The following SOX5 variants were observed in gnomAD, a reference collection of about 807,000 sequenced individuals.
SOX5 encodes the protein SRY-box transcription factor 5.
A neutral mutation model predicts 92.0 loss-of-function variants in SOX5; 9 were observed. The observed-to-expected ratio is 0.10, with a 90% CI of 0.06 to 0.17. SOX5 has a LOEUF of 0.17. Ranked by LOEUF, SOX5 falls within the 10% of genes least tolerant of loss-of-function variation. The probability of loss-of-function intolerance (pLI) is 1.00; values close to 1 mark genes in which losing one functional copy is unlikely to be tolerated. For missense variants in SOX5, 642 were observed against 944.5 expected, an observed-to-expected ratio of 0.68 and a Z score of 4.20; for synonymous variants, 344 against 336.3, an observed-to-expected ratio of 1.02 and a Z score of -0.25.
intron 4 of SOX5, among the ~76,000 whole-genome samples, chr12:24,155,592 C>A (rs1311388204): frequency 6.6e-6 from 1 of 152,148 alleles, no homozygotes; most frequent in Non-Finnish European, 1.5e-5. Context: ...AGAAAAACTT[C>A]TTTCCTTGAA....
chr12:23,771,158 A>G (rs1455075525), intron 3 of SOX5, among the ~76,000 whole-genome samples: 3 of 149,252 alleles, frequency 2.0e-5, no homozygotes, highest in Non-Finnish European at 4.4e-5. Flanking sequence ...TTTTAAGTTT[A>G]CTTAACACAT....
chr12:24,419,262 C>A (rs1328228216), intron 1 of SOX5, among the ~76,000 whole-genome samples: 1 of 152,138 alleles, frequency 6.6e-6, no homozygotes, highest in African/African-American at 2.4e-5. Context: ...CAACTCCTCC[C>A]AAGTAGCTGA....
intron 8 of SOX5, among the ~76,000 whole-genome samples, chr12:23,634,206 A>C (rs2078923746): frequency 6.6e-6 from 1 of 152,196 alleles, no homozygotes; most frequent in Non-Finnish European, 1.5e-5. Flanking sequence ...CCTGAGATAC[A>C]TTATTGAACA....
At chr12:23,857,837 A>C (rs1010793953) in intron 2 of SOX5, among the ~76,000 whole-genome samples, 2 of 151,266 alleles carry the variant, frequency 1.3e-5, no homozygotes, top group African/African-American at 4.9e-5. Flanking sequence ...GGTTCAAGCG[A>C]TTCTCCTGCC....
chr12:24,298,611 T>C (rs1947566854), intron 2 of SOX5, among the ~76,000 whole-genome samples: 1 of 152,144 alleles, frequency 6.6e-6, no homozygotes, highest in East Asian at 1.9e-4. Context: ...TAATATGTAC[T>C]AATAGAACAG....
chr12:23,886,149 T>C (rs112799127), intron 2 of SOX5, among the ~76,000 whole-genome samples: 12 of 152,310 alleles, frequency 7.9e-5, no homozygotes, highest in African/African-American at 2.6e-4. Flanking sequence ...TTCTTTACTA[T>C]TGAATTGTTT....
intron 4 of SOX5, among the ~76,000 whole-genome samples, chr12:24,122,442 T>A (rs1948722217): frequency 6.6e-6 from 1 of 152,160 alleles, no homozygotes; most frequent in African/African-American, 2.4e-5. Context: ...AGCATGTTTT[T>A]AAGAAGGGGA....
intron 1 of SOX5, among the ~76,000 whole-genome samples, chr12:24,472,048 T>C (rs141323011): frequency 6.6e-6 from 1 of 152,344 alleles, no homozygotes. Flanking sequence ...ATGGCAGCGT[T>C]TTTGATCACA....
intron 3 of SOX5, among the ~76,000 whole-genome samples, chr12:24,270,343 G>A (rs747906210): frequency 7.2e-5 from 11 of 152,140 alleles, no homozygotes; most frequent in Admixed American, 2.0e-4. Context: ...ACAAGTGTAA[G>A]CACCACGCCT....
Position 23,563,246 on chromosome 12 carries a change from T to A in SOX5, c.1488+12A>T, listed in dbSNP as rs1946524549. 3 of 1,593,868 alleles carry A rather than the reference T, an allele frequency of 1.9e-6. No homozygotes were observed. The highest frequency in any genetic ancestry group is 2.6e-6 in the Non-Finnish European group (3 of 1,171,872). On this transcript the variant is annotated intron_variant, in intron 11 of 14. Coordinates refer to ENST00000451604, the MANE Select transcript of SOX5 (RefSeq NM_006940.6). ...AAGTATTTCTAGAAAGTAAGTTATT[T>A]TATGAACTGACCTTTTCTGTTCGGC... is the stretch of plus-strand genomic sequence containing the variant.
At chr12:23,951,009 T>C, upstream of SOX5, 1 of 700,066 alleles carries the variant, frequency 1.4e-6, no homozygotes, top group Non-Finnish European at 2.5e-6. Flanking sequence ...ACACACTCAC[T>C]CACGCACGCT....
In SOX5 at chr12:24,251,519, C is replaced by A. The variant is rs546588944; in HGVS notation, c.-77+25697G>T. On this transcript the variant is annotated intron_variant, in intron 3 of 4. Coordinates refer to the SOX5 transcript ENST00000446891. ...TCTAAATATGAGTGAAAGTTCCAGA[C>A]CCTTTTGAGGAGATATCCTTGTCCT... is the stretch of plus-strand genomic sequence containing the variant. 5.9e-5 allele frequency among the ~76,000 whole-genome samples: 9 copies of A among 151,746 alleles called. No individual in the cohort carries two copies. In the South Asian group the frequency reaches 1.9e-3, roughly 32 times the overall value.
At position 23,665,531 on chromosome 12, in the gene SOX5, C is replaced by T. The variant is rs369942747; in HGVS notation, c.844G>A (p.Val282Ile). The change falls in exon 7 of 15, where the codon GTA (valine) becomes ATA (isoleucine). Residue 282 changes from valine (V) to isoleucine (I), a missense_variant. Physicochemically the swap from Val to Ile is conservative, Grantham distance 29. Coordinates refer to ENST00000451604, the MANE Select transcript of SOX5 (RefSeq NM_006940.6). ...QGQLPPLMIP[V>I]FPPDQRTLAA... ...AGTGTCCGTTGATCAGGAGGGAATA[C>T]GGGAATCATTAATGGCGGCAGCTGA... The T allele has an allele frequency of 6.2e-6, 10 of 1,613,132 alleles. No individual in the cohort carries two copies. The South Asian group carries it at 7.7e-5, about 12-fold the overall frequency.
At chr12:24,388,876 C>T (rs1046055666) in intron 1 of SOX5, among the ~76,000 whole-genome samples, 9 of 152,138 alleles carry the variant, frequency 5.9e-5, no homozygotes, top group African/African-American at 2.2e-4. Context: ...CACGTGTTCT[C>T]TCTTGTGACT....
At chr12:24,074,047 CA>C (rs1251891631) in intron 4 of SOX5, among the ~76,000 whole-genome samples, 15 of 145,666 alleles carry the variant, frequency 1.0e-4, no homozygotes, top group South Asian at 6.6e-4. Context: ...CTACATCCCT[CA>C]AAAAAAAAAG....
intron 1 of SOX5, among the ~76,000 whole-genome samples, chr12:24,551,510 C>T (rs1316322769): frequency 2.6e-5 from 4 of 152,126 alleles, no homozygotes. Flanking sequence ...ATGCTTTTTT[C>T]CCCTGTCCAT....
chr12:24,121,507 G>C (rs1948609756), intron 4 of SOX5, among the ~76,000 whole-genome samples: 1 of 151,096 alleles, frequency 6.6e-6, no homozygotes, highest in Non-Finnish European at 1.5e-5. Flanking sequence ...AATCACTGAT[G>C]CTTTACAGAA....
intron 4 of SOX5, among the ~76,000 whole-genome samples, chr12:24,176,239 C>T (rs1188098961): frequency 6.6e-6 from 1 of 151,766 alleles, no homozygotes; most frequent in African/African-American, 2.4e-5. Context: ...TGAGGTGGGA[C>T]AATCGCCTGA....
intron 3 of SOX5, among the ~76,000 whole-genome samples, chr12:23,784,485 C>T (rs532303101): frequency 6.6e-6 from 1 of 152,174 alleles, no homozygotes; most frequent in South Asian, 2.1e-4. Flanking sequence ...CGCCACCACG[C>T]CCGGCTAATT....
Sources: allele counts gnomAD v4.1 joint callset (sites outside exome capture counted in the v4.1 genomes callset), GRCh38; gene constraint gnomAD v4.1.1; transcripts MANE v1.5; gene names NCBI Gene and HGNC (gene_info 2026-07-23, HGNC 2026-07-21).